The following LIPE variants were observed in gnomAD, a reference collection of about 807,000 sequenced individuals.
The protein encoded by LIPE is lipase E, hormone sensitive type.
LIPE carries 66 observed loss-of-function variants against 88.5 expected under a neutral mutation model. That is an observed-to-expected ratio of 0.75 (90% CI 0.61 to 0.91). LIPE has a LOEUF of 0.91. LIPE is among the 40% of genes least tolerant of loss of function. The pLI is 0.00. For synonymous variants in LIPE, 570 were observed against 617.5 expected, an observed-to-expected ratio of 0.92 and a Z score of 1.14; for missense variants, 1,346 against 1,434.7, an observed-to-expected ratio of 0.94 and a Z score of 1.00.
chr19:42,403,002 C>A lies in LIPE; in HGVS notation c.2572G>T (p.Ala858Ser). ...EPMRRSVSEA[A>S]LAQPQGPLGT... ...AGTGGGCCCTGGGGCTGGGCCAGTG[C>A]TGCTTCAGACACACTGCGGCGCATC... The change falls in exon 9 of 10, where the codon GCA becomes TCA. Residue 858 changes from alanine (A) to serine (S), a missense_variant. Transcript: ENST00000244289. 6.3e-7 allele frequency: 1 copy of A among 1,584,166 alleles called. No individual in the cohort carries two copies. Among genetic ancestry groups the A allele is most frequent in the African/African-American group, 1.3e-5 (1 of 74,472 alleles).
Position 42,426,439 on chromosome 19 carries a change from A to C in LIPE, c.711T>G (p.Asp237Glu). The C allele has an allele frequency of 6.2e-7, 1 of 1,613,974 alleles. No homozygotes were observed. Among genetic ancestry groups the C allele is most frequent in the Non-Finnish European group, 8.5e-7 (1 of 1,179,902 alleles). Residue 237 changes from aspartate (D) to glutamate (E), a missense_variant, in exon 1 of 10, where the codon GAT becomes GAG. Physicochemically the swap from Asp to Glu is conservative, Grantham distance 45. Transcript: ENST00000244289. ...EWVTDSESES[D>E]VGSSSDTDSP... ...AATCTGTGTCTGAAGATGATCCCAC[A>C]TCTGATTCTGACTCAGAATCTGTGA...
chr19:42,422,210 A>G (rs538942254), intron 1 of LIPE, among the ~76,000 whole-genome samples: 1 of 152,284 alleles, frequency 6.6e-6, no homozygotes, highest in African/African-American at 2.4e-5. Context: ...GCCTGTGCCA[A>G]ACGCTCTACA....
chr19:42,408,056 C>A lies in LIPE; in HGVS notation c.1576G>T (p.Glu526Ter). Residue 526 changes from glutamate (E) to a stop codon, truncating the protein, a stop_gained, in exon 4 of 10, where the codon GAG (glutamate) becomes TAG (stop). Transcript: ENST00000244289. LOFTEE classifies it high-confidence loss of function. The surrounding 1 kb of genome is among the most constrained non-coding windows in gnomAD (Gnocchi z 4.3). ...AGGTTCTGTGTGATCCGCTCAAACTCAGCCCCACGCAGCTCGGGGTCGATG... is the reference window on the plus strand; with the variant it reads ...AGGTTCTGTGTGATCCGCTCAAACTAAGCCCCACGCAGCTCGGGGTCGATG... ...FAIDPELRGA[E>*]FERITQNLDV... The A allele has an allele frequency of 6.2e-7, 1 of 1,613,948 alleles. No individual in the cohort carries two copies. Among genetic ancestry groups the A allele is most frequent in the South Asian group, 1.1e-5 (1 of 91,084 alleles).
At chr19:42,412,536 G>T (rs2040404698) in intron 1 of LIPE, 1 of 986,094 alleles carries the variant, frequency 1.0e-6, no homozygotes, top group Non-Finnish European at 1.2e-6. Flanking sequence ...TGTAAACAGA[G>T]TAGAGGGCTC....
rs573342632 is a variant in LIPE at position 42,406,744 on chromosome 19, G to A, written c.2138-356C>T. On this transcript the variant is annotated intron_variant, in intron 6 of 9. Transcript: ENST00000244289. This position sits in a 1 kb window ranked among gnomAD's most constrained non-coding sequence, Gnocchi z 5.7. ...GGCGGGAATGGAAGGTCAGGGTTCA[G>A]GGTCAGTACAGAGGGGCTGGGCTGC... Among the ~76,000 whole-genome samples the A allele has an allele frequency of 3.3e-5, 5 of 152,196 alleles. No homozygotes were observed. The highest frequency in any genetic ancestry group is 5.9e-5 in the Non-Finnish European group (4 of 68,022).
chr19:42,426,502 C>A lies in LIPE; in HGVS notation c.648G>T (p.Gln216His). The stretch of plus-strand genomic sequence containing the variant: ...GTGCCTTCCACTCTAGGGCTGATCG[C>A]TGTATGGATAGTTCCTGAAGTTTTG... Reference protein sequence around the residue: ...FLTKLQELSIQRSALEWKALS... With the variant: ...FLTKLQELSIHRSALEWKALS... Residue 216 changes from glutamine to histidine, a missense_variant, in exon 1 of 10, where the codon CAG (glutamine) becomes CAT (histidine). By Grantham distance (24) the Gln-to-His change is conservative. Coordinates refer to ENST00000244289, the MANE Select transcript of LIPE (RefSeq NM_005357.4). 5 of 1,614,202 alleles carry A rather than the reference C, an allele frequency of 3.1e-6. No homozygotes were observed. The highest frequency in any genetic ancestry group is 4.2e-6 in the Non-Finnish European group (5 of 1,180,028).
At chr19:42,423,409 G>A in intron 1 of LIPE, 3 of 1,289,494 alleles carry the variant, frequency 2.3e-6, no homozygotes, top group Non-Finnish European at 3.0e-6. Context: ...GCCGGTCTCC[G>A]CGCGCTCACC....
At chr19:42,423,905 G>A in intron 1 of LIPE, 1 of 1,151,136 alleles carries the variant, frequency 8.7e-7, no homozygotes, top group East Asian at 6.9e-5. Context: ...TGCTGGCTCA[G>A]TCTCGCCATC....
In LIPE at chr19:42,410,343, A is replaced by C; in HGVS notation, c.1383T>G (p.His461Gln). 1 of 1,610,620 alleles carries C rather than the reference A, an allele frequency of 6.2e-7. No homozygotes were observed. The highest frequency in any genetic ancestry group is 8.5e-7 in the Non-Finnish European group (1 of 1,178,410). Residue 461 changes from histidine to glutamine, a missense_variant, in exon 2 of 10, where the codon CAT (histidine) becomes CAG (glutamine). Transcript: ENST00000244289. This position sits in a 1 kb window ranked among gnomAD's most constrained non-coding sequence, Gnocchi z 6.1. ...ADFLREYVTLHKGCFYGRCLG... is the reference protein window; with the variant it reads ...ADFLREYVTLQKGCFYGRCLG... ...GGCAGCGGCCATAGAAGCATCCCTT[A>C]TGCAGCGTGACATACTCCCGGAGGA...
At position 42,401,550 on chromosome 19, in the gene LIPE, C is replaced by T; in HGVS notation, c.*262G>A. ...TTTTATTTACAACAAACCAAACCGA[C>T]CTGCAAGGGAGGGCCAGTCCCCGTC... On this transcript the variant is annotated 3_prime_UTR_variant, in exon 10 of 10. Transcript: ENST00000244289. The T allele has an allele frequency of 2.1e-6, 1 of 474,506 alleles. No individual in the cohort carries two copies. Among genetic ancestry groups the T allele is most frequent in the Non-Finnish European group, 3.7e-6 (1 of 270,032 alleles). The allele number at this position is 474,506 out of a possible 1,614,324, so 29.4% of individuals were successfully genotyped here.
Position 42,426,606 on chromosome 19 carries a change from CA to C in LIPE, c.543del (p.Glu182AsnfsTer20). On this transcript the variant is annotated frameshift_variant, in exon 1 of 10. Transcript: ENST00000244289. LOFTEE classifies it high-confidence loss of function. ...APTESTSQETPEQSDKQTTPV... is the reference protein window; with the variant it reads ...APTESTSQETXEQSDKQTTPV... ...GGCGTTGTTTGCTTGTCTGACTGTT[CA>C]GGTGTCTCTTGGGACGTAGATTCAG... 6.2e-7 allele frequency: 1 copy of C among 1,614,184 alleles called. No homozygotes were observed. The highest frequency in any genetic ancestry group is 8.5e-7 in the Non-Finnish European group (1 of 1,180,042).
rs1219709348 is a variant in LIPE at position 42,408,014 on chromosome 19, T to A, written c.1618A>T (p.Lys540Ter). The A allele has an allele frequency of 1.2e-6, 2 of 1,613,664 alleles. No homozygotes were observed. Among genetic ancestry groups the A allele is most frequent in the Admixed American group, 3.3e-5 (2 of 59,994 alleles). The stretch of plus-strand genomic sequence containing the variant: ...ATCTCGGTGATGTTCCAGAAGGCTT[T>A]CCAGAAGTGCACGTCCAGGTTCTGT... Reference protein sequence around the residue: ...ITQNLDVHFWKAFWNITEMEV... With the variant: ...ITQNLDVHFW Residue 540 changes from lysine (K) to a stop codon, truncating the protein, a stop_gained, in exon 4 of 10, where the codon AAA (lysine) becomes TAA (stop). Coordinates refer to ENST00000244289, the MANE Select transcript of LIPE (RefSeq NM_005357.4). LOFTEE classifies it high-confidence loss of function. The surrounding 1 kb of genome is among the most constrained non-coding windows in gnomAD (Gnocchi z 4.3).
rs896868598 is a variant in LIPE, at chr19:42,427,259, C to G, written c.-110G>C. 1 of 1,444,632 alleles carries G rather than the reference C, an allele frequency of 6.9e-7. No individual in the cohort carries two copies. Among genetic ancestry groups the G allele is most frequent in the African/African-American group, 1.4e-5 (1 of 70,034 alleles). 89.5% of individuals were successfully genotyped at this position (1,444,632 alleles called of 1,614,324 possible). The stretch of plus-strand genomic sequence containing the variant: ...CATTGATTCCTCATGATGGCACTTC[C>G]TCTTGGGTTTCACTCCATCCTAGCA... On this transcript the variant is annotated 5_prime_UTR_variant, in exon 1 of 10. Transcript: ENST00000244289.
At chr19:42,403,607 C>T (rs1272293653) in intron 8 of LIPE, among the ~76,000 whole-genome samples, 4 of 151,682 alleles carry the variant, frequency 2.6e-5, no homozygotes, top group Non-Finnish European at 4.4e-5. Context: ...GCCACCATGC[C>T]CGGCTAATTT....
At chr19:42,412,640 C>T in intron 1 of LIPE, 1 of 882,758 alleles carries the variant, frequency 1.1e-6, no homozygotes, top group Non-Finnish European at 1.4e-6. Context: ...GAGTCCACAC[C>T]CACAGCCCCT....
chr19:42,405,713 T>A, intron 7 of LIPE, 152 bp from the exon 8 acceptor site: 1 of 716,332 alleles, frequency 1.4e-6, no homozygotes, highest in Non-Finnish European at 2.3e-6. Context: ...CTCACGCCTG[T>A]AGTCCCAGTA....
intron 2 of LIPE, among the ~76,000 whole-genome samples, chr19:42,409,309 T>G (rs2040295189): frequency 6.8e-6 from 1 of 147,614 alleles, no homozygotes; most frequent in Non-Finnish European, 1.5e-5. Context: ...CCCAGTACTT[T>G]GGGAGGCCAA....
chr19:42,422,766 TGAG>T lies in LIPE; in HGVS notation c.883+3498_883+3500del, dbSNP rs550705830. The stretch of plus-strand genomic sequence containing the variant: ...AGAGAAATGAGGCCTTCCCTTTTGC[TGAG>T]GCAGGTGTGGAGGTCTGAAGCCAAG... On this transcript the variant is annotated intron_variant, in intron 1 of 9. Transcript: ENST00000244289. Among the ~76,000 whole-genome samples the T allele has an allele frequency of 2.0e-4, 31 of 152,280 alleles. No individual in the cohort carries two copies. In the South Asian group the frequency reaches 6.0e-3, roughly 30 times the overall value.
At chr19:42,419,300 A>G (rs2040549771) in intron 1 of LIPE, among the ~76,000 whole-genome samples, 1 of 152,098 alleles carries the variant, frequency 6.6e-6, no homozygotes, top group African/African-American at 2.4e-5. Flanking sequence ...AATAAAATAA[A>G]TAAAAAGATG....
Sources: gnomAD v4.1 joint callset for allele counts (sites outside exome capture counted in the v4.1 genomes callset) on GRCh38, gnomAD v4.1.1 for gene constraint, Gnocchi (gnomAD v3.1) non-coding constraint, MANE v1.5 for transcripts, NCBI Gene and HGNC (gene_info 2026-07-23, HGNC 2026-07-21) for gene names.